The following ARL15 variants were observed in gnomAD, a reference collection of about 807,000 sequenced individuals.
The protein encoded by ARL15 is ARF like GTPase 15.
ARL15 carries 19 observed loss-of-function variants against 25.2 expected under a neutral mutation model. The ratio of observed to expected loss-of-function variants is 0.75; its 90% CI spans 0.53 to 1.10. The LOEUF (loss-of-function observed/expected upper bound fraction) is 1.10, where lower values mean the gene tolerates loss of function less well. ARL15 is among the 50% of genes least tolerant of loss of function. ARL15 has a pLI of 0.00. For synonymous variants in ARL15, 94 were observed against 86.8 expected (o/e 1.08, Z -0.46); for missense variants, 220 against 246.0 (o/e 0.89, Z 0.71).
chr5:54,181,903 T>G (rs909687892), intron 1 of ARL15, among the ~76,000 whole-genome samples: 1 of 145,182 alleles, frequency 6.9e-6, no homozygotes, highest in East Asian at 2.1e-4. Flanking sequence ...TGGCCAGTGA[T>G]GATGAGCATT....
intron 4 of ARL15, among the ~76,000 whole-genome samples, chr5:54,031,580 T>C (rs1749984075): frequency 6.6e-6 from 1 of 152,182 alleles, no homozygotes; most frequent in Non-Finnish European, 1.5e-5. Flanking sequence ...TATAATTCAC[T>C]TGAGAAATAA....
intron 4 of ARL15, among the ~76,000 whole-genome samples, chr5:54,018,500 G>A (rs1301439624): frequency 2.6e-5 from 4 of 152,172 alleles, no homozygotes; most frequent in Non-Finnish European, 4.4e-5. Context: ...AAAAGGCACC[G>A]TCAAAGACCT....
At chr5:54,126,057 T>C (rs1753242856) in intron 3 of ARL15, among the ~76,000 whole-genome samples, 1 of 152,100 alleles carries the variant, frequency 6.6e-6, no homozygotes, top group African/African-American at 2.4e-5. Flanking sequence ...AAAGGCACAG[T>C]TTCCACCCTC....
chr5:54,003,667 TCTATCTA>T (rs1748921588), intron 4 of ARL15, among the ~76,000 whole-genome samples: 39 of 5,848 alleles, frequency 6.7e-3, no homozygotes, highest in African/African-American at 0.042. Flanking sequence ...TTTCTTTCTA[TCTATCTA>T]TCTATCTATC....
intron 1 of ARL15, among the ~76,000 whole-genome samples, chr5:54,253,469 C>T (rs1018980975): frequency 1.3e-5 from 2 of 152,118 alleles, no homozygotes; most frequent in African/African-American, 4.8e-5. Context: ...AAAGTACCAC[C>T]AAATGAAAAT....
intron 4 of ARL15, among the ~76,000 whole-genome samples, chr5:54,038,575 C>G (rs1156488139): frequency 6.6e-6 from 1 of 151,904 alleles, no homozygotes; most frequent in Non-Finnish European, 1.5e-5. Flanking sequence ...AATAATTGAA[C>G]AGTGAAATAA....
rs191619454 is a variant in ARL15, at chr5:53,995,908, C to T, written c.463-109195G>A. 5.1e-3 allele frequency among the ~76,000 whole-genome samples: 784 copies of T among 152,270 alleles called. 3 individuals are homozygous for T. Among genetic ancestry groups the T allele is most frequent in the Admixed American group, 0.011 (166 of 15,300 alleles). On this transcript the variant is annotated intron_variant, in intron 4 of 4. Transcript: ENST00000504924. ...CTCTAGCTTAAAACAGAAACAAAAA[C>T]AGAATAAGGGTGAAATGTGCTAAAG...
intron 2 of ARL15, among the ~76,000 whole-genome samples, chr5:54,166,651 C>A (rs1304816504): frequency 6.6e-6 from 1 of 152,098 alleles, no homozygotes; most frequent in Non-Finnish European, 1.5e-5. Context: ...ATTACCCTAG[C>A]TTAGGTTTAA....
chr5:54,224,714 C>A (rs904847863), intron 1 of ARL15, among the ~76,000 whole-genome samples: 1 of 152,070 alleles, frequency 6.6e-6, no homozygotes, highest in Non-Finnish European at 1.5e-5. Context: ...AGAGAATATT[C>A]ATTTTTTTAC....
At chr5:53,994,275 A>T (rs1748598571) in intron 4 of ARL15, among the ~76,000 whole-genome samples, 1 of 152,218 alleles carries the variant, frequency 6.6e-6, no homozygotes, top group Non-Finnish European at 1.5e-5. Flanking sequence ...TAGAAAGTTT[A>T]GCTTCTGACT....
rs1758788703 is a variant in ARL15, at chr5:54,307,585, C to T, written c.48+2847G>A. On this transcript the variant is annotated intron_variant, in intron 1 of 4. Coordinates refer to ENST00000504924, the MANE Select transcript of ARL15 (RefSeq NM_019087.3). ...GAGAACATTTGTTTTAAGAAATCAA[C>T]AGCGACCCGAAGATCAGTAGAGCTT... Among the ~76,000 whole-genome samples, 3 of 152,192 alleles carry T rather than the reference C, an allele frequency of 2.0e-5. No individual in the cohort carries two copies. The South Asian group carries it at 6.2e-4, about 32-fold the overall frequency.
In ARL15 at chr5:54,070,458, G is replaced by A. The variant is rs1045255613; in HGVS notation, c.462+42744C>T. ...GCCATGTGATGCCCTGGGTCACCTC[G>A]GGACTCTGTAAAGAGTCCCCACCAG... On this transcript the variant is annotated intron_variant, in intron 4 of 4. Transcript: ENST00000504924. Among the ~76,000 whole-genome samples, 3 of 151,896 alleles carry A rather than the reference G, an allele frequency of 2.0e-5. 1 individual carries two copies. The highest frequency in any genetic ancestry group is 4.2e-4 in the South Asian group (2 of 4,808).
At chr5:53,930,357 G>T (rs1213261514) in intron 4 of ARL15, among the ~76,000 whole-genome samples, 1 of 152,214 alleles carries the variant, frequency 6.6e-6, no homozygotes, top group South Asian at 2.1e-4. Context: ...CACCTGAGAG[G>T]GTATCATCAG....
At chr5:53,952,457 C>CA (rs1179914463) in intron 4 of ARL15, among the ~76,000 whole-genome samples, 1 of 151,888 alleles carries the variant, frequency 6.6e-6, no homozygotes, top group African/African-American at 2.4e-5. Context: ...TCAAAGGCCA[C>CA]AAAAGTAATT....
At chr5:54,142,448 C>T (rs900256020) in intron 3 of ARL15, among the ~76,000 whole-genome samples, 18 of 152,036 alleles carry the variant, frequency 1.2e-4, no homozygotes, top group African/African-American at 3.6e-4. Flanking sequence ...CTAACCTAGA[C>T]GACAGAGACA....
At chr5:54,308,263 G>A (rs1240938156) in intron 1 of ARL15, among the ~76,000 whole-genome samples, 1 of 152,074 alleles carries the variant, frequency 6.6e-6, no homozygotes, top group African/African-American at 2.4e-5. Context: ...TTTCACAGGG[G>A]ACACTTGGCA....
At chr5:54,276,443 T>C (rs963350424) in intron 1 of ARL15, among the ~76,000 whole-genome samples, 3 of 152,216 alleles carry the variant, frequency 2.0e-5, no homozygotes, top group Non-Finnish European at 2.9e-5. Context: ...CTTGGTTTTA[T>C]ATATGATGAC....
At chr5:54,212,306 G>A (rs559487601) in intron 1 of ARL15, among the ~76,000 whole-genome samples, 1 of 152,274 alleles carries the variant, frequency 6.6e-6, no homozygotes, top group South Asian at 2.1e-4. Flanking sequence ...GTAGTAAGAA[G>A]GGCACATCAG....
chr5:53,889,687 T>C (rs1399966706), intron 4 of ARL15, among the ~76,000 whole-genome samples: 1 of 152,208 alleles, frequency 6.6e-6, no homozygotes, highest in African/African-American at 2.4e-5. Context: ...AGTATTCAAG[T>C]ACAGTGAGTG....
Sources: gnomAD v4.1 joint callset for allele counts (sites outside exome capture counted in the v4.1 genomes callset) on GRCh38, gnomAD v4.1.1 for gene constraint, MANE v1.5 for transcripts, NCBI Gene and HGNC (gene_info 2026-07-23, HGNC 2026-07-21) for gene names.